The following UNC5D variants were observed in gnomAD, a reference collection of about 807,000 sequenced individuals.
UNC5D encodes netrin receptor UNC5D.
A neutral mutation model predicts 105.4 loss-of-function variants in UNC5D; 39 were observed. That is an observed-to-expected ratio of 0.37 (90% CI 0.29 to 0.48). UNC5D has a LOEUF of 0.48. Among genes scored for constraint, UNC5D ranks in the 20% least tolerant of loss-of-function variants. UNC5D has a pLI of 0.98. For missense variants in UNC5D, 991 were observed against 1,202.4 expected, an observed-to-expected ratio of 0.82 and a Z score of 2.60; for synonymous variants, 452 against 450.4, an observed-to-expected ratio of 1.00 and a Z score of -0.04.
intron 1 of UNC5D, among the ~76,000 whole-genome samples, chr8:35,246,211 C>G (rs1401956689): frequency 6.6e-6 from 1 of 152,124 alleles, no homozygotes; most frequent in Non-Finnish European, 1.5e-5. Flanking sequence ...CCTTTGTTTT[C>G]TGTACCGTTT....
At chr8:35,281,595 A>G (rs775620440) in intron 1 of UNC5D, among the ~76,000 whole-genome samples, 45 of 151,868 alleles carry the variant, frequency 3.0e-4, no homozygotes, top group Non-Finnish European at 5.9e-4. Flanking sequence ...ATGGACCACC[A>G]CGCCCAGCCC....
intron 4 of UNC5D, among the ~76,000 whole-genome samples, chr8:35,667,067 T>C (rs1028720196): frequency 2.6e-5 from 4 of 152,248 alleles, no homozygotes; most frequent in Non-Finnish European, 4.4e-5. Context: ...ACAAAAACAA[T>C]ATAGGAGAGT....
intron 2 of UNC5D, among the ~76,000 whole-genome samples, chr8:35,560,227 G>T (rs1376595612): frequency 6.6e-6 from 1 of 152,010 alleles, no homozygotes; most frequent in Non-Finnish European, 1.5e-5. Flanking sequence ...TTTTTTATTT[G>T]CCTGGAACTT....
Position 35,481,231 on chromosome 8 carries a change from G to T in UNC5D, c.104-68061G>T, listed in dbSNP as rs147699346. Among the ~76,000 whole-genome samples the T allele has an allele frequency of 2.0e-4, 31 of 152,274 alleles. No individual in the cohort carries two copies. In the East Asian group the frequency reaches 5.8e-3, roughly 28 times the overall value. ...AAAGTGCTGACTGCCCATCTGATGA[G>T]GCAGAGAATTTAGAGAGCAGAAGGC... On this transcript the variant is annotated intron_variant, in intron 1 of 16. Transcript: ENST00000404895.
chr8:35,311,096 C>A (rs1315150853), intron 1 of UNC5D, among the ~76,000 whole-genome samples: 4 of 152,104 alleles, frequency 2.6e-5, no homozygotes, highest in African/African-American at 7.2e-5. Context: ...GTACCTGAAA[C>A]AGGTCTTGGA....
intron 1 of UNC5D, among the ~76,000 whole-genome samples, chr8:35,241,773 A>C (rs1424230554): frequency 1.3e-5 from 2 of 152,146 alleles, no homozygotes; most frequent in Non-Finnish European, 2.9e-5. Context: ...ATTAGTAAAG[A>C]TCAAATCAGT....
chr8:35,371,650 C>T (rs1802436847), intron 1 of UNC5D, among the ~76,000 whole-genome samples: 1 of 152,086 alleles, frequency 6.6e-6, no homozygotes, highest in Non-Finnish European at 1.5e-5. Flanking sequence ...GCTATCAAGA[C>T]TTCAGAAGAC....
At chr8:35,658,051 T>G (rs1823880975) in intron 4 of UNC5D, among the ~76,000 whole-genome samples, 1 of 152,188 alleles carries the variant, frequency 6.6e-6, no homozygotes, top group Non-Finnish European at 1.5e-5. Flanking sequence ...ATATTACCAG[T>G]AAACTAACAG....
At chr8:35,424,585 G>T (rs1806121203) in intron 1 of UNC5D, among the ~76,000 whole-genome samples, 1 of 152,122 alleles carries the variant, frequency 6.6e-6, no homozygotes, top group East Asian at 1.9e-4. Context: ...AGATTCCCTA[G>T]ACCCCATTCC....
intron 1 of UNC5D, among the ~76,000 whole-genome samples, chr8:35,295,593 C>T (rs1328413290): frequency 6.6e-6 from 1 of 152,054 alleles, no homozygotes; most frequent in Non-Finnish European, 1.5e-5. Context: ...AAGTGATTTG[C>T]CATACATACA....
intron 4 of UNC5D, among the ~76,000 whole-genome samples, chr8:35,660,116 C>T (rs1031326246): frequency 3.3e-5 from 5 of 152,142 alleles, no homozygotes; most frequent in Non-Finnish European, 5.9e-5. Context: ...ATGCAAATAT[C>T]CAGGGGCTAT....
At chr8:35,354,860 T>C (rs1801460382) in intron 1 of UNC5D, among the ~76,000 whole-genome samples, 1 of 152,154 alleles carries the variant, frequency 6.6e-6, no homozygotes, top group Admixed American at 6.6e-5. Context: ...TTCACTCACA[T>C]GTGCAGCACC....
intron 1 of UNC5D, among the ~76,000 whole-genome samples, chr8:35,314,598 T>C (rs1444874129): frequency 6.6e-6 from 1 of 152,146 alleles, no homozygotes; most frequent in Non-Finnish European, 1.5e-5. Context: ...ATTTAAAAAA[T>C]CTTACAATAG....
At chr8:35,280,131 G>A (rs1806048418) in intron 1 of UNC5D, among the ~76,000 whole-genome samples, 1 of 152,074 alleles carries the variant, frequency 6.6e-6, no homozygotes, top group Non-Finnish European at 1.5e-5. Flanking sequence ...AAATAGCTGG[G>A]ATTACAGGTG....
At chr8:35,722,610 G>A (rs1462620181) in intron 9 of UNC5D, among the ~76,000 whole-genome samples, 1 of 152,178 alleles carries the variant, frequency 6.6e-6, no homozygotes, top group Non-Finnish European at 1.5e-5. Context: ...TTTATTATCA[G>A]CAACATTTTC....
chr8:35,676,227 ATCT>A (rs1301910725), intron 4 of UNC5D, among the ~76,000 whole-genome samples: 1 of 152,228 alleles, frequency 6.6e-6, no homozygotes, highest in Non-Finnish European at 1.5e-5. Context: ...TGGAAAAAAA[ATCT>A]ACAAATTGCA....
At chr8:35,271,353 GCA>G (rs141081597) in intron 1 of UNC5D, among the ~76,000 whole-genome samples, 18 of 101,706 alleles carry the variant, frequency 1.8e-4, no homozygotes, top group African/African-American at 5.3e-4. Context: ...GTATGTATAT[GCA>G]TACACACGTG....
chr8:35,492,874 T>C (rs753347611), intron 1 of UNC5D, among the ~76,000 whole-genome samples: 7 of 152,168 alleles, frequency 4.6e-5, no homozygotes, highest in Non-Finnish European at 4.4e-5. Flanking sequence ...TGTCTTATTA[T>C]GCAAGCAAGG....
intron 8 of UNC5D, among the ~76,000 whole-genome samples, chr8:35,721,712 TG>T (rs891641341): frequency 1.3e-5 from 2 of 152,228 alleles, no homozygotes; most frequent in African/African-American, 2.4e-5. Flanking sequence ...TTGTGAACTC[TG>T]GTCTTTCTCT....
Sources: gnomAD v4.1 joint callset for allele counts (sites outside exome capture counted in the v4.1 genomes callset) on GRCh38, gnomAD v4.1.1 for gene constraint, MANE v1.5 for transcripts, NCBI Gene and HGNC (gene_info 2026-07-23, HGNC 2026-07-21) for gene names.